MDFI: variants seen among roughly 807,000 people sequenced by gnomAD.
The protein encoded by MDFI is MyoD family inhibitor, also known as inhibitor of MyoD family a.
MDFI carries 16 observed loss-of-function variants against 22.3 expected under a neutral mutation model. The ratio of observed to expected loss-of-function variants is 0.72; its 90% confidence interval spans 0.49 to 1.09. The LOEUF is 1.09. Ranked by LOEUF, MDFI falls within the 50% of genes least tolerant of loss-of-function variation. MDFI has a pLI of 0.00. For missense variants in MDFI, 314 were observed against 326.1 expected, an observed-to-expected ratio of 0.96 and a Z score of 0.29; for synonymous variants, 145 against 142.7, an observed-to-expected ratio of 1.02 and a Z score of -0.12.
At position 41,638,554 on chromosome 6, in the gene MDFI, G is replaced by A. The variant is rs998167452; in HGVS notation, c.-110G>A. 6 of 562,842 alleles carry A rather than the reference G, an allele frequency of 1.1e-5. No individual in the cohort carries two copies. In the African/African-American group the frequency reaches 1.2e-4, roughly 11 times the overall value. The allele number at this position is 562,842 out of a possible 1,614,324, so 34.9% of individuals were successfully genotyped here. On this transcript the variant is annotated 5_prime_UTR_variant, in exon 1 of 5. Coordinates refer to ENST00000230321, the MANE Select transcript of MDFI (RefSeq NM_005586.4). This position sits in a 1 kb window ranked among gnomAD's most constrained non-coding sequence, Gnocchi z 7.6. The stretch of plus-strand genomic sequence containing the variant: ...GGAAGGGGCGCCAGGCGAGCACCCG[G>A]GAGCCAGCGGGACCTGGGCAGGGGC...
At chr6:41,644,174 C>T (rs373265880) in intron 2 of MDFI, among the ~76,000 whole-genome samples, 1 of 152,192 alleles carries the variant, frequency 6.6e-6, no homozygotes, top group South Asian at 2.1e-4. Flanking sequence ...TTGTCCAAAT[C>T]CTCTGATCGT....
rs1768346241 is a variant in MDFI at position 41,653,239 on chromosome 6, G to A, written c.485-80G>A. On this transcript the variant is annotated intron_variant, in intron 4 of 4. Coordinates refer to ENST00000230321, the MANE Select transcript of MDFI (RefSeq NM_005586.4). This position sits in a 1 kb window ranked among gnomAD's most constrained non-coding sequence, Gnocchi z 4.2. Reference sequence around the variant, plus strand: ...GTCCCTGCTGCTGCCGCTGCCGCAGGCCCCCACACCCCCGGCTATTTCACA... The same window carrying A: ...GTCCCTGCTGCTGCCGCTGCCGCAGACCCCCACACCCCCGGCTATTTCACA... 6.1e-6 allele frequency: 9 copies of A among 1,465,180 alleles called. No individual in the cohort carries two copies. The South Asian group carries it at 9.8e-5, about 16-fold the overall frequency. 90.8% of individuals were successfully genotyped at this position (1,465,180 alleles called of 1,614,324 possible).
rs757622830 is a variant in MDFI, at chr6:41,646,289, C to T, written c.240C>T (p.Val80=). The T allele has an allele frequency of 4.8e-6, 7 of 1,456,654 alleles. No homozygotes were observed. The highest frequency in any genetic ancestry group is 6.4e-6 in the Non-Finnish European group (7 of 1,102,308). The allele number at this position is 1,456,654 out of a possible 1,614,324, so 90.2% of individuals were successfully genotyped here. The change falls in exon 3 of 5, where the codon GTC becomes GTT. Residue 80 remains valine (V), a synonymous_variant. Transcript: ENST00000230321. ...GCCTGGACAGCACTGACCTCGACGT[C>T]CCCACAGAAGCTGTGACATGTGAGT... ...PQGLDSTDLD[V]PTEAVTCQPQ... is the part of the protein sequence containing the mutation.
chr6:41,645,727 T>G (rs1457881997), intron 2 of MDFI, among the ~76,000 whole-genome samples: 1 of 152,166 alleles, frequency 6.6e-6, no homozygotes, highest in Non-Finnish European at 1.5e-5. Flanking sequence ...TATCTCCCTT[T>G]ACCTCTACCT....
At chr6:41,644,807 G>A (rs1293989227) in intron 2 of MDFI, among the ~76,000 whole-genome samples, 1 of 150,702 alleles carries the variant, frequency 6.6e-6, no homozygotes, top group East Asian at 2.0e-4. Flanking sequence ...AGACTACCCT[G>A]TGTCTCTCTG....
Position 41,653,913 on chromosome 6 carries a change from T to G in MDFI, c.*338T>G. ...GGGCAGCCAGGGCTGGGGAACACTG[T>G]GAAAGTTACTTGGGGAGGGTGGGCC... On this transcript the variant is annotated 3_prime_UTR_variant, in exon 5 of 5. Coordinates refer to ENST00000230321, the MANE Select transcript of MDFI (RefSeq NM_005586.4). This position sits in a 1 kb window ranked among gnomAD's most constrained non-coding sequence, Gnocchi z 4.2. 2.8e-6 allele frequency: 1 copy of G among 356,520 alleles called. No homozygotes were observed. The highest frequency in any genetic ancestry group is 5.2e-6 in the Non-Finnish European group (1 of 193,060). 22.1% of individuals were successfully genotyped at this position (356,520 alleles called of 1,614,324 possible). A position where few individuals can be genotyped will look rare whatever the true frequency, so the allele number is the denominator to read the frequency against.
Position 41,653,740 on chromosome 6 carries a change from G to T in MDFI, c.*165G>T. 2 of 897,700 alleles carry T rather than the reference G, an allele frequency of 2.2e-6. No homozygotes were observed. The highest frequency in any genetic ancestry group is 3.3e-6 in the Non-Finnish European group (2 of 604,906). The allele number at this position is 897,700 out of a possible 1,614,324, so 55.6% of individuals were successfully genotyped here. On this transcript the variant is annotated 3_prime_UTR_variant, in exon 5 of 5. Coordinates refer to ENST00000230321, the MANE Select transcript of MDFI (RefSeq NM_005586.4). The surrounding 1 kb of genome is among the most constrained non-coding windows in gnomAD (Gnocchi z 4.2). ...TCAGAACCCCAGCCTTGAAAATAGT[G>T]GGGGGCACTCAGAGGGGCCACCTCC...
At position 41,645,637 on chromosome 6, in the gene MDFI, C is replaced by G. The variant is rs979396129; in HGVS notation, c.77-489C>G. Among the ~76,000 whole-genome samples, 6 of 152,312 alleles carry G rather than the reference C, an allele frequency of 3.9e-5. No homozygotes were observed. The East Asian group carries it at 1.2e-3, about 29-fold the overall frequency. On this transcript the variant is annotated intron_variant, in intron 2 of 4. Transcript: ENST00000230321. Reference sequence around the variant, plus strand: ...ACTGACTTCCGTGCTATTGCTGCGTCTCACTCCCGTCTCAGGCTGTCTGTC... The same window carrying G: ...ACTGACTTCCGTGCTATTGCTGCGTGTCACTCCCGTCTCAGGCTGTCTGTC...
intron 2 of MDFI, among the ~76,000 whole-genome samples, chr6:41,645,765 ACT>A (rs1301850275): frequency 6.7e-6 from 1 of 149,012 alleles, no homozygotes; most frequent in Non-Finnish European, 1.5e-5. Context: ...TCTCCCTGTC[ACT>A]CTCGATGCCT....
rs115674651 is a variant in MDFI at position 41,641,884 on chromosome 6, G to A, written c.76+3059G>A. 2.0e-3 allele frequency among the ~76,000 whole-genome samples: 303 copies of A among 152,218 alleles called. 1 individual carries two copies. Among genetic ancestry groups the A allele is most frequent in the African/African-American group, 6.3e-3 (261 of 41,526 alleles). On this transcript the variant is annotated intron_variant, in intron 2 of 4. Coordinates refer to ENST00000230321, the MANE Select transcript of MDFI (RefSeq NM_005586.4). ...TGGTCCAGGACCACCCCTCAACTTG[G>A]TGGATGGCAAGCAGAGAGAACCCAC...
intron 2 of MDFI, chr6:41,639,572 G>A (rs1767773619): frequency 2.0e-6 from 2 of 985,274 alleles, no homozygotes; most frequent in Non-Finnish European, 2.4e-6. Flanking sequence ...TCCCCTCACT[G>A]GCCAGATGCC....
intron 4 of MDFI, among the ~76,000 whole-genome samples, chr6:41,652,861 G>A (rs1039303461): frequency 4.9e-4 from 74 of 152,052 alleles, no homozygotes; most frequent in African/African-American, 1.7e-3. Context: ...CAGGTGATCC[G>A]CCCACCTCGG....
intron 4 of MDFI, among the ~76,000 whole-genome samples, chr6:41,650,263 G>T (rs1293593792): frequency 6.6e-6 from 1 of 152,198 alleles, no homozygotes; most frequent in Non-Finnish European, 1.5e-5. Context: ...ATAAAATGGT[G>T]CCAGGGCAGG....
In MDFI at chr6:41,643,547, AGGG is replaced by A. The variant is rs1561829564; in HGVS notation, c.77-2578_77-2576del. Reference sequence around the variant, plus strand: ...ACAGGAAGGAGGGAAGGAGGGAAGGAGGGAAGGAAGGAAGGAAGGAAGGAAGGA... The same window carrying A: ...ACAGGAAGGAGGGAAGGAGGGAAGGAAAGGAAGGAAGGAAGGAAGGAAGGA... On this transcript the variant is annotated intron_variant, in intron 2 of 4. Coordinates refer to ENST00000230321, the MANE Select transcript of MDFI (RefSeq NM_005586.4). Among the ~76,000 whole-genome samples, 592 of 97,896 alleles carry A rather than the reference AGGG, an allele frequency of 6.0e-3. 12 individuals are homozygous for A. The highest frequency in any genetic ancestry group is 0.021 in the African/African-American group (529 of 25,050). The allele number at this position is 97,896 out of a possible 152,430, so 64.2% of individuals were successfully genotyped here.
intron 4 of MDFI, among the ~76,000 whole-genome samples, chr6:41,652,384 T>TC (rs1768302998): frequency 6.6e-6 from 1 of 152,140 alleles, no homozygotes; most frequent in Non-Finnish European, 1.5e-5. Context: ...TTCAAAGATT[T>TC]CAGCTTTTAT....
At chr6:41,639,726 T>C (rs910667114) in intron 2 of MDFI, 13 of 985,292 alleles carry the variant, frequency 1.3e-5, no homozygotes, top group Non-Finnish European at 1.4e-5. Context: ...GTTGCCTTCC[T>C]CCCCACCAGC....
Position 41,653,863 on chromosome 6 carries a change from G to T in MDFI, c.*288G>T. The stretch of plus-strand genomic sequence containing the variant: ...GAGGACCTGACAGGACAACCTAGGG[G>T]CAGGGCTGGGGTGGGGACCGCAGGG... On this transcript the variant is annotated 3_prime_UTR_variant, in exon 5 of 5. Coordinates refer to ENST00000230321, the MANE Select transcript of MDFI (RefSeq NM_005586.4). The surrounding 1 kb of genome is among the most constrained non-coding windows in gnomAD (Gnocchi z 4.2). 2 of 497,370 alleles carry T rather than the reference G, an allele frequency of 4.0e-6. No individual in the cohort carries two copies. The highest frequency in any genetic ancestry group is 4.5e-5 in the South Asian group (2 of 44,060). 30.8% of individuals were successfully genotyped at this position (497,370 alleles called of 1,614,324 possible). A position where few individuals can be genotyped will look rare whatever the true frequency, so the allele number is the denominator to read the frequency against.
At chr6:41,650,083 C>T (rs1768212947) in intron 4 of MDFI, 3 of 483,770 alleles carry the variant, frequency 6.2e-6, no homozygotes, top group South Asian at 3.5e-5. Context: ...AAAGGTGTAC[C>T]TGCCTTCTCA....
chr6:41,652,844 C>G (rs1768326847), intron 4 of MDFI, among the ~76,000 whole-genome samples: 1 of 152,046 alleles, frequency 6.6e-6, no homozygotes, highest in Admixed American at 6.5e-5. Context: ...TCTCGAACTC[C>G]TAACCTCAGG....
Sources: gnomAD v4.1 joint callset for allele counts (sites outside exome capture counted in the v4.1 genomes callset) on GRCh38, gnomAD v4.1.1 for gene constraint, Gnocchi (gnomAD v3.1) non-coding constraint, MANE v1.5 for transcripts, NCBI Gene and HGNC (gene_info 2026-07-23, HGNC 2026-07-21) for gene names.